Variants in PTPRD observed in about 807,000 individuals in gnomAD.
The protein encoded by PTPRD is receptor-type tyrosine-protein phosphatase delta.
A neutral mutation model predicts 214.5 loss-of-function variants in PTPRD; 34 were observed. The ratio of observed to expected loss-of-function variants is 0.16; its 90% CI spans 0.12 to 0.21. The LOEUF is 0.21. Among genes scored for constraint, PTPRD ranks in the 10% least tolerant of loss-of-function variants. The pLI is 1.00. For missense variants in PTPRD, 2,545 were observed against 2,398.7 expected, an observed-to-expected ratio of 1.06 and a Z score of -1.27; for synonymous variants, 1,128 against 845.7, an observed-to-expected ratio of 1.33 and a Z score of -5.79.
chr9:8,321,103 T>A (rs185507978), intron 44 of PTPRD, among the ~76,000 whole-genome samples: 1 of 152,232 alleles, frequency 6.6e-6, no homozygotes, highest in Non-Finnish European at 1.5e-5. Context: ...TGATTGAAGA[T>A]GTCTAGCGGC....
chr9:9,283,677 A>T (rs886109862), intron 9 of PTPRD, among the ~76,000 whole-genome samples: 3 of 151,532 alleles, frequency 2.0e-5, no homozygotes, highest in Non-Finnish European at 4.4e-5. Context: ...TGAACAAAAA[A>T]AAGTTGACTG....
intron 9 of PTPRD, among the ~76,000 whole-genome samples, chr9:9,285,525 C>G (rs577677233): frequency 4.5e-4 from 69 of 151,922 alleles, no homozygotes; most frequent in African/African-American, 1.6e-3. Context: ...AGTCTAAACC[C>G]TTGGTAAGGC....
intron 7 of PTPRD, among the ~76,000 whole-genome samples, chr9:9,717,509 A>G (rs1167997366): frequency 6.6e-6 from 1 of 152,200 alleles, no homozygotes; most frequent in Non-Finnish European, 1.5e-5. Flanking sequence ...ATGTAAGCAT[A>G]TATAAAACTC....
intron 10 of PTPRD, among the ~76,000 whole-genome samples, chr9:9,037,644 G>A (rs995987215): frequency 1.3e-5 from 2 of 152,182 alleles, no homozygotes; most frequent in African/African-American, 4.8e-5. Flanking sequence ...AGTACCCTTG[G>A]AATGATTCTC....
At chr9:9,311,685 CG>C (rs746724835) in intron 9 of PTPRD, among the ~76,000 whole-genome samples, 8 of 152,116 alleles carry the variant, frequency 5.3e-5, no homozygotes, top group Non-Finnish European at 7.4e-5. Context: ...ACAACCAAAT[CG>C]TTCCTTAATC....
chr9:10,579,451 C>A (rs1181013099), intron 2 of PTPRD, among the ~76,000 whole-genome samples: 2 of 152,078 alleles, frequency 1.3e-5, no homozygotes, highest in Non-Finnish European at 2.9e-5. Context: ...TGATTTTGTT[C>A]TTTTTTATGG....
At chr9:9,396,988 T>A (rs2068099158) in intron 9 of PTPRD, among the ~76,000 whole-genome samples, 1 of 152,072 alleles carries the variant, frequency 6.6e-6, no homozygotes, top group East Asian at 1.9e-4. Flanking sequence ...CAATGAATAA[T>A]CATAGCAATA....
chr9:9,857,953 A>G (rs919905659), intron 5 of PTPRD, among the ~76,000 whole-genome samples: 1 of 152,232 alleles, frequency 6.6e-6, no homozygotes, highest in Non-Finnish European at 1.5e-5. Context: ...GAAAGAAATA[A>G]TTTTAAGTGA....
intron 10 of PTPRD, among the ~76,000 whole-genome samples, chr9:9,147,829 C>G (rs2099871283): frequency 6.6e-6 from 1 of 152,148 alleles, no homozygotes; most frequent in African/African-American, 2.4e-5. Flanking sequence ...TATCAATCAG[C>G]ATCACTAGGA....
intron 2 of PTPRD, among the ~76,000 whole-genome samples, chr9:10,411,865 C>A (rs1178038493): frequency 6.6e-6 from 1 of 151,576 alleles, no homozygotes; most frequent in Admixed American, 6.6e-5. Context: ...CCATATAATC[C>A]ATATTTATGA....
intron 11 of PTPRD, among the ~76,000 whole-genome samples, chr9:8,838,551 G>C (rs2097488220): frequency 7.0e-6 from 1 of 143,698 alleles, no homozygotes. Flanking sequence ...TAAACTGCTT[G>C]AAACTGAAAA....
chr9:8,983,209 G>A (rs555961081), intron 11 of PTPRD, among the ~76,000 whole-genome samples: 34 of 152,084 alleles, frequency 2.2e-4, no homozygotes, highest in Admixed American at 1.1e-3. Context: ...CTACCTGGAT[G>A]TGAATGAAAT....
intron 39 of PTPRD, among the ~76,000 whole-genome samples, chr9:8,368,054 A>T (rs979556968): frequency 1.3e-5 from 2 of 152,136 alleles, no homozygotes; most frequent in South Asian, 4.1e-4. Flanking sequence ...CTACCATACA[A>T]TGCTGGCCCC....
chr9:9,847,392 G>C (rs767202276), intron 5 of PTPRD, among the ~76,000 whole-genome samples: 3 of 151,982 alleles, frequency 2.0e-5, no homozygotes, highest in Non-Finnish European at 4.4e-5. Flanking sequence ...CAAATATTTT[G>C]ATACTTCAGG....
intron 2 of PTPRD, among the ~76,000 whole-genome samples, chr9:10,484,522 T>C (rs2099120228): frequency 1.3e-5 from 2 of 152,038 alleles, no homozygotes; most frequent in South Asian, 4.1e-4. Flanking sequence ...GAGGGTTCTC[T>C]TTTCTCCATA....
intron 3 of PTPRD, among the ~76,000 whole-genome samples, chr9:10,135,298 C>T (rs928380146): frequency 6.6e-6 from 1 of 152,058 alleles, no homozygotes; most frequent in African/African-American, 2.4e-5. Context: ...AACTTGGAAA[C>T]AGTATTTGAG....
chr9:8,527,215 C>A, intron 16 of PTPRD, 130 bp downstream of exon 16: 1 of 913,232 alleles, frequency 1.1e-6, no homozygotes, highest in Non-Finnish European at 1.7e-6. Flanking sequence ...GTGTGGGAGC[C>A]ACTACAGAGA....
In PTPRD at chr9:9,085,408, C is replaced by T. The variant is rs78536534; in HGVS notation, c.-142-66673G>A. Among the ~76,000 whole-genome samples the T allele has an allele frequency of 9.2e-5, 14 of 152,180 alleles. 1 individual carries two copies. In the South Asian group the frequency reaches 2.3e-3, roughly 25 times the overall value. ...GCATGCAAATTCTTCTTTCAAGATG[C>T]GAATAGTGCATATGTAAGCTTTGAC... On this transcript the variant is annotated intron_variant, in intron 10 of 45. Coordinates refer to ENST00000381196, the MANE Select transcript of PTPRD (RefSeq NM_002839.4).
At chr9:10,140,705 T>C (rs1404699677) in intron 3 of PTPRD, among the ~76,000 whole-genome samples, 3 of 152,006 alleles carry the variant, frequency 2.0e-5, no homozygotes, top group Non-Finnish European at 4.4e-5. Context: ...CTGAAACTAT[T>C]CCAATCAATA....
Sources: gnomAD v4.1 joint callset for allele counts (sites outside exome capture counted in the v4.1 genomes callset) on GRCh38, gnomAD v4.1.1 for gene constraint, MANE v1.5 for transcripts, NCBI Gene and HGNC (gene_info 2026-07-23, HGNC 2026-07-21) for gene names.